PLA2R1: variants seen among roughly 807,000 people sequenced by gnomAD.
The protein encoded by PLA2R1 is phospholipase A2 receptor 1, also known as secretory phospholipase A2 receptor.
In PLA2R1, 158 loss-of-function variants were observed where a neutral mutation model predicts 195.9. That is an observed-to-expected ratio of 0.81 (90% confidence interval 0.71 to 0.92). The LOEUF is 0.92. PLA2R1 is among the 40% of genes least tolerant of loss of function. The pLI is 0.00. For missense variants in PLA2R1, 1,626 were observed against 1,764.6 expected (o/e 0.92, Z 1.41); for synonymous variants, 586 against 598.2 (o/e 0.98, Z 0.30).
At chr2:160,000,647 T>C (rs997413435) in intron 11 of PLA2R1, among the ~76,000 whole-genome samples, 2 of 152,128 alleles carry the variant, frequency 1.3e-5, no homozygotes, top group African/African-American at 4.8e-5. Context: ...ATAACTCGGA[T>C]ACATTTAAGG....
intron 4 of PLA2R1, 123 bp downstream of exon 4, chr2:160,032,836 A>T: frequency 1.2e-6 from 1 of 810,298 alleles, no homozygotes; most frequent in Non-Finnish European, 1.9e-6. Flanking sequence ...GTTTTGGGCC[A>T]TATTATGGAA....
At chr2:159,944,210 C>T (rs1393619768) in intron 28 of PLA2R1, among the ~76,000 whole-genome samples, 1 of 152,138 alleles carries the variant, frequency 6.6e-6, no homozygotes, top group Admixed American at 6.5e-5. Flanking sequence ...TGGGCCTTTT[C>T]CTCCTCTGTT....
intron 7 of PLA2R1, among the ~76,000 whole-genome samples, chr2:160,021,676 T>C (rs73004740): frequency 0.07 from 10,726 of 152,282 alleles, 630 homozygotes; most frequent in East Asian, 0.2. Context: ...TTGGGTACAA[T>C]GTTCACCATC....
chr2:160,028,492 T>C, intron 5 of PLA2R1, 131 bp from the exon 6 acceptor site: 2 of 699,318 alleles, frequency 2.9e-6, no homozygotes, highest in Non-Finnish European at 4.9e-6. Flanking sequence ...TAAGATGTTA[T>C]CTATGATTTT....
At chr2:160,057,123 C>T (rs1695602258) in intron 1 of PLA2R1, among the ~76,000 whole-genome samples, 1 of 152,162 alleles carries the variant, frequency 6.6e-6, no homozygotes, top group South Asian at 2.1e-4. Context: ...CCAGACCCCT[C>T]TCCTAGGAAA....
intron 3 of PLA2R1, among the ~76,000 whole-genome samples, chr2:160,034,219 T>A (rs1419657961): frequency 6.6e-6 from 1 of 152,212 alleles, no homozygotes; most frequent in Non-Finnish European, 1.5e-5. Context: ...ATGGTCCCCT[T>A]GGGAAATGTG....
chr2:160,050,952 CT>C (rs887207465), intron 1 of PLA2R1, among the ~76,000 whole-genome samples: 1 of 152,174 alleles, frequency 6.6e-6, no homozygotes. Context: ...TTAGTGTTCC[CT>C]TTAGCTTTAG....
chr2:159,929,147 T>C (rs1243113971), downstream of PLA2R1, among the ~76,000 whole-genome samples: 1 of 151,986 alleles, frequency 6.6e-6, no homozygotes, highest in Non-Finnish European at 1.5e-5. Context: ...CAAAGATAAA[T>C]AGACAAGACT....
intron 20 of PLA2R1, among the ~76,000 whole-genome samples, chr2:159,962,393 G>A (rs954144322): frequency 3.3e-5 from 5 of 152,198 alleles, no homozygotes; most frequent in Admixed American, 2.0e-4. Flanking sequence ...AACAGATGCT[G>A]GAGAGTATGT....
intron 28 of PLA2R1, among the ~76,000 whole-genome samples, chr2:159,942,453 C>T (rs1687138885): frequency 6.6e-6 from 1 of 152,160 alleles, no homozygotes; most frequent in African/African-American, 2.4e-5. Flanking sequence ...TTAGTGCTCA[C>T]AAACATACAC....
At chr2:160,029,170 G>A (rs1316270041) in intron 4 of PLA2R1, among the ~76,000 whole-genome samples, 1 of 152,180 alleles carries the variant, frequency 6.6e-6, no homozygotes, top group Non-Finnish European at 1.5e-5. Context: ...TTTTTCAACT[G>A]TGAATGCTTC....
At chr2:160,047,276 G>C (rs769730803) in intron 1 of PLA2R1, among the ~76,000 whole-genome samples, 2 of 152,128 alleles carry the variant, frequency 1.3e-5, no homozygotes, top group Non-Finnish European at 2.9e-5. Context: ...GGGATGTTAA[G>C]GATATTCCAT....
chr2:160,042,079 C>A lies in PLA2R1; in HGVS notation c.613G>T (p.Ala205Ser), dbSNP rs768724277. The change falls in exon 3 of 30, where the codon GCC becomes TCC. Residue 205 changes from alanine to serine, a missense_variant. By Grantham distance (99) the Ala-to-Ser change is moderately conservative (BLOSUM62 1). Coordinates refer to ENST00000283243, the MANE Select transcript of PLA2R1 (RefSeq NM_007366.5). The part of the protein sequence containing the change: ...EGREDDLLWC[A>S]TTSRYERDEK... ...TCTCTTTCATAACGGCTTGTCGTGGCACACCACAGTAAGTCATCTTCCCGA... is the reference window on the plus strand; with the variant it reads ...TCTCTTTCATAACGGCTTGTCGTGGAACACCACAGTAAGTCATCTTCCCGA... 4 of 1,614,178 alleles carry A rather than the reference C, an allele frequency of 2.5e-6. No individual in the cohort carries two copies. The highest frequency in any genetic ancestry group is 1.6e-4 in the Middle Eastern group (1 of 6,062).
At chr2:159,948,405 A>AT (rs759204221) in intron 25 of PLA2R1, among the ~76,000 whole-genome samples, 17 of 150,324 alleles carry the variant, frequency 1.1e-4, no homozygotes, top group East Asian at 3.9e-4. Context: ...CAGATAATTG[A>AT]ATTTTTTTTT....
At chr2:159,973,125 T>C (rs928525207) in intron 17 of PLA2R1, among the ~76,000 whole-genome samples, 4 of 152,112 alleles carry the variant, frequency 2.6e-5, no homozygotes, top group African/African-American at 9.7e-5. Context: ...GAGACAGAAG[T>C]GAGTGGAATC....
chr2:160,038,928 G>A (rs1276556137), intron 3 of PLA2R1, among the ~76,000 whole-genome samples: 2 of 152,000 alleles, frequency 1.3e-5, no homozygotes, highest in Admixed American at 6.6e-5. Context: ...GTGCAGTGGC[G>A]CGATCTTGGC....
rs762715831 is a variant in PLA2R1 at position 159,969,227 on chromosome 2, T to C, written c.2764+29A>G. On this transcript the variant is annotated intron_variant, in intron 19 of 29. Transcript: ENST00000283243. ...TCCTGAAAATTATCAGTTTGTATTA[T>C]AAACCCAAAAATGGGTAAGTAAAAT... is the stretch of plus-strand genomic sequence containing the variant. The C allele has an allele frequency of 1.9e-4, 230 of 1,184,610 alleles. 1 individual carries two copies. The highest frequency in any genetic ancestry group is 5.3e-5 in the Admixed American group (3 of 56,754). 73.4% of individuals were successfully genotyped at this position (1,184,610 alleles called of 1,614,324 possible). A position where few individuals can be genotyped will look rare whatever the true frequency, so the allele number is the denominator to read the frequency against.
intron 16 of PLA2R1, 72 bp from the exon 17 acceptor site, chr2:159,976,297 T>C: frequency 9.8e-7 from 1 of 1,021,086 alleles, no homozygotes; most frequent in Middle Eastern, 2.1e-4. Context: ...AAATTTGAGA[T>C]TTGGTCACTC....
At chr2:159,956,211 T>C (rs748670803) in intron 21 of PLA2R1, among the ~76,000 whole-genome samples, 9 of 152,224 alleles carry the variant, frequency 5.9e-5, no homozygotes, top group South Asian at 2.1e-4. Context: ...TGCAATTACA[T>C]GTAGATCATA....
Sources: gnomAD v4.1 joint callset for allele counts (sites outside exome capture counted in the v4.1 genomes callset) on GRCh38, gnomAD v4.1.1 for gene constraint, MANE v1.5 for transcripts, NCBI Gene and HGNC (gene_info 2026-07-23, HGNC 2026-07-21) for gene names.